The following FRMD4B variants were observed in gnomAD, a reference collection of about 807,000 sequenced individuals.
The protein encoded by FRMD4B is FERM domain containing 4B, also known as FERM domain-containing protein 4B.
Under a neutral mutation model 141.5 loss-of-function variants are expected in FRMD4B, and 74 were observed. The observed-to-expected ratio is 0.52, with a 90% confidence interval of 0.43 to 0.63. The LOEUF (loss-of-function observed/expected upper bound fraction) is 0.63. Ranked by LOEUF, FRMD4B falls within the 30% of genes least tolerant of loss-of-function variation. FRMD4B has a pLI of 0.00. For missense variants in FRMD4B, 1,366 were observed against 1,253.4 expected, an observed-to-expected ratio of 1.09 and a Z score of -1.36; for synonymous variants, 506 against 467.9, an observed-to-expected ratio of 1.08 and a Z score of -1.05.
intron 1 of FRMD4B, among the ~76,000 whole-genome samples, chr3:69,443,166 G>C (rs1451821678): frequency 6.6e-6 from 1 of 152,148 alleles, no homozygotes; most frequent in African/African-American, 2.4e-5. Context: ...CCCCAGGGAG[G>C]GGAGAGGGGC....
rs552058530 is a variant in FRMD4B, at chr3:69,461,493, G to A, written c.-128-28732C>T. Among the ~76,000 whole-genome samples, 6 of 151,794 alleles carry A rather than the reference G, an allele frequency of 4.0e-5. No homozygotes were observed. In the East Asian group the frequency reaches 7.8e-4, roughly 20 times the overall value. On this transcript the variant is annotated intron_variant, in intron 1 of 5. Transcript: ENST00000459638. The stretch of plus-strand genomic sequence containing the variant: ...ATAAAAATTATCCAGGCATGGTGGC[G>A]CACGCCTATAGTCCCACCCACTCGA...
chr3:69,212,425 G>A (rs1452196449), intron 11 of FRMD4B, among the ~76,000 whole-genome samples: 3 of 139,614 alleles, frequency 2.1e-5, no homozygotes, highest in Non-Finnish European at 4.7e-5. Context: ...AACAAAAGAT[G>A]GACTGTGTAG....
At chr3:69,205,944 A>G (rs2093020820) in intron 11 of FRMD4B, among the ~76,000 whole-genome samples, 1 of 152,238 alleles carries the variant, frequency 6.6e-6, no homozygotes, top group Non-Finnish European at 1.5e-5. Context: ...AGGGGCTTAC[A>G]ATTGACCAGA....
At chr3:69,311,728 A>T (rs931886043) in intron 2 of FRMD4B, among the ~76,000 whole-genome samples, 6 of 152,146 alleles carry the variant, frequency 3.9e-5, no homozygotes, top group South Asian at 2.1e-4. Flanking sequence ...GTTATCTGTG[A>T]TATATAAAAG....
rs2200247 is a variant in FRMD4B, at chr3:69,380,856, T to A, written c.162+4972A>T. 4.6e-5 allele frequency among the ~76,000 whole-genome samples: 7 copies of A among 152,160 alleles called. No homozygotes were observed. The South Asian group carries it at 1.5e-3, about 32-fold the overall frequency. The stretch of plus-strand genomic sequence containing the variant: ...GAAAACCTAATCCCAAGGAATAAAC[T>A]GAGGGTTTTGTTAGAACATGTCACA... On this transcript the variant is annotated intron_variant, in intron 1 of 22. Coordinates refer to ENST00000398540, the MANE Select transcript of FRMD4B (RefSeq NM_015123.3).
At chr3:69,299,450 G>A (rs1041711184) in intron 4 of FRMD4B, among the ~76,000 whole-genome samples, 1 of 152,250 alleles carries the variant, frequency 6.6e-6, no homozygotes, top group Admixed American at 6.5e-5. Flanking sequence ...TTTATGAGAG[G>A]AGGGGTGGAG....
intron 13 of FRMD4B, chr3:69,196,657 G>A (rs1044828675): frequency 1.7e-6 from 1 of 573,346 alleles, no homozygotes; most frequent in African/African-American, 1.9e-5. Context: ...ATCACCGCCA[G>A]CAGTGTCACC....
intron 1 of FRMD4B, among the ~76,000 whole-genome samples, chr3:69,503,370 T>A (rs1706534813): frequency 6.6e-6 from 1 of 151,624 alleles, no homozygotes; most frequent in African/African-American, 2.4e-5. Context: ...GAAGGATGAG[T>A]TCATGTCCTT....
intron 11 of FRMD4B, among the ~76,000 whole-genome samples, chr3:69,209,837 G>A (rs939735477): frequency 1.3e-5 from 2 of 152,204 alleles, no homozygotes; most frequent in Non-Finnish European, 2.9e-5. Context: ...TTCTCCTACA[G>A]TTAATCTCAT....
At chr3:69,306,010 T>G (rs946858366) in intron 3 of FRMD4B, among the ~76,000 whole-genome samples, 1 of 152,188 alleles carries the variant, frequency 6.6e-6, no homozygotes, top group Non-Finnish European at 1.5e-5. Context: ...CAAAAGGGAC[T>G]GGACTCAACC....
At chr3:69,350,175 A>G (rs1424999490) in intron 1 of FRMD4B, among the ~76,000 whole-genome samples, 1 of 152,240 alleles carries the variant, frequency 6.6e-6, no homozygotes, top group Non-Finnish European at 1.5e-5. Context: ...ATATGAACAG[A>G]CGCTTCTCAA....
intron 1 of FRMD4B, among the ~76,000 whole-genome samples, chr3:69,504,012 A>C (rs1363762771): frequency 6.6e-6 from 1 of 152,226 alleles, no homozygotes; most frequent in Non-Finnish European, 1.5e-5. Context: ...ATTGTATTAA[A>C]ACCAGGAAAG....
chr3:69,536,679 C>T, intron 1 of FRMD4B: 1 of 753,606 alleles, frequency 1.3e-6, no homozygotes, highest in South Asian at 1.5e-5. Context: ...ACTGGTGACA[C>T]TCCCAGGAGG....
chr3:69,366,101 AC>A (rs1360297174), intron 1 of FRMD4B, among the ~76,000 whole-genome samples: 10 of 149,638 alleles, frequency 6.7e-5, no homozygotes, highest in African/African-American at 2.3e-4. Context: ...ACACACACAC[AC>A]ACACAAAATT....
At position 69,176,595 on chromosome 3, in the gene FRMD4B, G is replaced by A. The variant is rs547298120; in HGVS notation, c.2913C>T (p.Tyr971=). The A allele has an allele frequency of 1.6e-5, 26 of 1,605,720 alleles. No individual in the cohort carries two copies. Among genetic ancestry groups the A allele is most frequent in the South Asian group, 1.1e-4 (10 of 90,922 alleles). The stretch of plus-strand genomic sequence containing the variant: ...TGTAAGAAGAATGTGCTGGAGTCTC[G>A]TAATCCGACAGCCCTATGGTTAACT... ...RTQLTIGLSD[Y]ETPAHSSYTS... is the part of the protein sequence containing the mutation. Residue 971 remains tyrosine, a synonymous_variant, in exon 22 of 23, where the codon TAC becomes TAT. Transcript: ENST00000398540.
intron 1 of FRMD4B, among the ~76,000 whole-genome samples, chr3:69,541,709 G>A (rs1316786558): frequency 2.0e-5 from 3 of 152,138 alleles, no homozygotes; most frequent in Non-Finnish European, 4.4e-5. Flanking sequence ...TCCAACATAG[G>A]AGCGGCTAGG....
In FRMD4B at chr3:69,455,218, G is replaced by A. The variant is rs142096106; in HGVS notation, c.-128-22457C>T. Among the ~76,000 whole-genome samples the A allele has an allele frequency of 5.1e-3, 778 of 152,360 alleles. 9 individuals carry two copies. Among genetic ancestry groups the A allele is most frequent in the African/African-American group, 0.018 (738 of 41,592 alleles). On this transcript the variant is annotated intron_variant, in intron 1 of 5. Transcript: ENST00000459638. ...TGTAAAATGGGCCAATCAGCAGGATGTGGGTGGGGTCAGCTAAGGGAATAA... is the reference window on the plus strand; with the variant it reads ...TGTAAAATGGGCCAATCAGCAGGATATGGGTGGGGTCAGCTAAGGGAATAA...
At position 69,371,361 on chromosome 3, in the gene FRMD4B, G is replaced by T. The variant is rs560239842; in HGVS notation, c.162+14467C>A. ...TGTGTTTGCTGGAACTGAGGCAGGA[G>T]TTGGGAGGAGCCTAGGTAGAAGGAA... On this transcript the variant is annotated intron_variant, in intron 1 of 22. Coordinates refer to ENST00000398540, the MANE Select transcript of FRMD4B (RefSeq NM_015123.3). 3.3e-5 allele frequency among the ~76,000 whole-genome samples: 5 copies of T among 152,316 alleles called. No individual in the cohort carries two copies. In the South Asian group the frequency reaches 1.0e-3, roughly 32 times the overall value.
intron 2 of FRMD4B, among the ~76,000 whole-genome samples, chr3:69,399,338 C>G (rs1286359514): frequency 6.6e-6 from 1 of 152,132 alleles, no homozygotes; most frequent in Non-Finnish European, 1.5e-5. Flanking sequence ...GAAACCCAGC[C>G]CTTCCATTTC....
Sources: allele counts gnomAD v4.1 joint callset (sites outside exome capture counted in the v4.1 genomes callset), GRCh38; gene constraint gnomAD v4.1.1; transcripts MANE v1.5; gene names NCBI Gene and HGNC (gene_info 2026-07-23, HGNC 2026-07-21).